The following ELSPBP1 variants were observed in gnomAD, a reference collection of about 807,000 sequenced individuals.
The protein encoded by ELSPBP1 is epididymal sperm binding protein 1.
Under a neutral mutation model 33.3 loss-of-function variants are expected in ELSPBP1, and 38 were observed. That is an observed-to-expected ratio of 1.14 (90% CI 0.88 to 1.50). The LOEUF is 1.50. ELSPBP1 is among the 40% of genes most tolerant of loss of function. The pLI is 0.00. For missense variants in ELSPBP1, 267 were observed against 263.5 expected, an observed-to-expected ratio of 1.01 and a Z score of -0.09; for synonymous variants, 85 against 94.1, an observed-to-expected ratio of 0.90 and a Z score of 0.56.
intron 4 of ELSPBP1, among the ~76,000 whole-genome samples, chr19:48,018,373 GA>G (rs1334805806): frequency 3.3e-5 from 5 of 151,782 alleles, no homozygotes; most frequent in African/African-American, 1.2e-4. Context: ...CAAGAAATGT[GA>G]GCTTTCTTCT....
intron 1 of ELSPBP1, among the ~76,000 whole-genome samples, chr19:48,007,464 A>G (rs1967033226): frequency 6.6e-6 from 1 of 152,294 alleles, no homozygotes; most frequent in South Asian, 2.1e-4. Context: ...CATCCGGTAT[A>G]CAGTAAGCAG....
chr19:48,004,013 G>T (rs956000125), intron 1 of ELSPBP1, among the ~76,000 whole-genome samples: 1 of 149,754 alleles, frequency 6.7e-6, no homozygotes, highest in African/African-American at 2.5e-5. Flanking sequence ...GTATGATCTC[G>T]GCTCACAGCA....
intron 4 of ELSPBP1, 68 bp downstream of exon 4, chr19:48,016,107 G>C: frequency 3.2e-6 from 5 of 1,571,490 alleles, no homozygotes; most frequent in Non-Finnish European, 4.3e-6. Context: ...TCCTCCTGAG[G>C]GGAGGCTGGG....
intron 4 of ELSPBP1, among the ~76,000 whole-genome samples, chr19:48,016,784 G>T (rs1244852391): frequency 2.0e-5 from 3 of 151,508 alleles, no homozygotes; most frequent in African/African-American, 7.3e-5. Flanking sequence ...TTTTTAGCAG[G>T]CACGGGGTTT....
intron 1 of ELSPBP1, among the ~76,000 whole-genome samples, chr19:48,006,025 A>C (rs768797130): frequency 3.9e-5 from 6 of 152,242 alleles, no homozygotes; most frequent in Non-Finnish European, 7.4e-5. Context: ...CAGTGGTGCG[A>C]TCATAGTGCA....
rs181366784 is a variant in ELSPBP1 at position 47,998,480 on chromosome 19, C to A, written c.-18+3669C>A. On this transcript the variant is annotated intron_variant, in intron 1 of 6. Transcript: ENST00000339841. ...GATTGGGCTAATGAGCCCGGGCATG[C>A]GCATTAAGAGACAAAATGGCAGAGT... Among the ~76,000 whole-genome samples the A allele has an allele frequency of 1.2e-4, 18 of 151,678 alleles. No individual in the cohort carries two copies. The East Asian group carries it at 3.5e-3, about 30-fold the overall frequency.
chr19:48,023,516 TAAGGAAGGAAGGGA>T (rs1967233851), intron 6 of ELSPBP1, among the ~76,000 whole-genome samples: 1 of 65,834 alleles, frequency 1.5e-5, no homozygotes, highest in Non-Finnish European at 3.0e-5. Flanking sequence ...AGGAAGGAAA[TAAGGAAGGAAGGGA>T]GGAAGGAAAG....
chr19:48,002,189 A>C (rs1765932732), intron 1 of ELSPBP1, among the ~76,000 whole-genome samples: 4 of 152,198 alleles, frequency 2.6e-5, no homozygotes, highest in Admixed American at 2.6e-4. Flanking sequence ...GAAACTCAGT[A>C]CTTTGTTGGG....
intron 4 of ELSPBP1, among the ~76,000 whole-genome samples, chr19:48,017,462 T>C (rs955920043): frequency 6.6e-6 from 1 of 152,222 alleles, no homozygotes; most frequent in African/African-American, 2.4e-5. Context: ...TTTCCATTCC[T>C]AACTCTAAAT....
At chr19:48,020,921 GGT>G (rs1251314472) in intron 5 of ELSPBP1, among the ~76,000 whole-genome samples, 307 of 152,188 alleles carry the variant, frequency 2.0e-3, no homozygotes, top group African/African-American at 5.7e-3. Context: ...TGGGTGGGGG[GGT>G]GTGTTGTTCC....
chr19:48,003,275 G>A (rs942266577), intron 1 of ELSPBP1, among the ~76,000 whole-genome samples: 1 of 152,184 alleles, frequency 6.6e-6, no homozygotes, highest in African/African-American at 2.4e-5. Flanking sequence ...ACCATCAGTT[G>A]CTACCAATTC....
At chr19:48,008,582 C>T in intron 1 of ELSPBP1, 69 bp from the exon 2 acceptor site, 1 of 1,114,222 alleles carries the variant, frequency 9.0e-7, no homozygotes, top group Non-Finnish European at 1.3e-6. Flanking sequence ...TGTATGACGT[C>T]AAATCTAGGA....
chr19:48,004,628 C>A (rs1966999388), intron 1 of ELSPBP1, among the ~76,000 whole-genome samples: 1 of 152,204 alleles, frequency 6.6e-6, no homozygotes, highest in African/African-American at 2.4e-5. Flanking sequence ...GCTTACCTGT[C>A]ATTTCTCAGA....
At chr19:48,003,562 A>C (rs992262418) in intron 1 of ELSPBP1, among the ~76,000 whole-genome samples, 5 of 126,128 alleles carry the variant, frequency 4.0e-5, no homozygotes, top group African/African-American at 1.5e-4. Flanking sequence ...TTTTTGATGG[A>C]GTCTTGCTCT....
intron 1 of ELSPBP1, among the ~76,000 whole-genome samples, chr19:48,001,812 C>T (rs572476296): frequency 2.6e-5 from 4 of 151,244 alleles, no homozygotes; most frequent in Admixed American, 1.3e-4. Flanking sequence ...CTCAGCCTCT[C>T]GAATAGCTAG....
rs369715980 is a variant in ELSPBP1, at chr19:48,019,788, A to G, written c.425A>G (p.Asp142Gly). ...PSIYRNNVVS[D>G]CMEDESNKLW... ...ATCTACAGAAATAATGTGGTCTCTG[A>G]TTGCATGGAGGATGAAAGCAACAAG... Residue 142 changes from aspartate (D) to glycine (G), a missense_variant, in exon 5 of 7, where the codon GAT becomes GGT. Transcript: ENST00000339841. 6.2e-7 allele frequency: 1 copy of G among 1,610,208 alleles called. No homozygotes were observed. Among genetic ancestry groups the G allele is most frequent in the Non-Finnish European group, 8.5e-7 (1 of 1,177,652 alleles).
intron 1 of ELSPBP1, among the ~76,000 whole-genome samples, chr19:47,999,407 GAGAA>G (rs1270809109): frequency 1.5e-4 from 5 of 32,614 alleles, no homozygotes; most frequent in Admixed American, 1.3e-3. Context: ...TTTTTTTTTT[GAGAA>G]AGAGTCTCGC....
At chr19:48,023,905 C>G (rs1250801082) in intron 6 of ELSPBP1, among the ~76,000 whole-genome samples, 2 of 151,566 alleles carry the variant, frequency 1.3e-5, no homozygotes, top group African/African-American at 4.9e-5. Flanking sequence ...GGGTCTCACT[C>G]TGTCGCCCAG....
chr19:48,023,673 G>T (rs1967238457), intron 6 of ELSPBP1, among the ~76,000 whole-genome samples: 1 of 151,970 alleles, frequency 6.6e-6, no homozygotes, highest in African/African-American at 2.4e-5. Flanking sequence ...AAGACACCAT[G>T]GTGTGCATCC....
Sources: allele counts gnomAD v4.1 joint callset (sites outside exome capture counted in the v4.1 genomes callset), GRCh38; gene constraint gnomAD v4.1.1; transcripts MANE v1.5; gene names NCBI Gene and HGNC (gene_info 2026-07-23, HGNC 2026-07-21).